NRXN1: variants seen among roughly 807,000 people sequenced by gnomAD.
NRXN1 encodes the protein neurexin 1.
NRXN1 carries 39 observed loss-of-function variants against 150.9 expected under a neutral mutation model. That is an observed-to-expected ratio of 0.26 (90% CI 0.20 to 0.34). The LOEUF (loss-of-function observed/expected upper bound fraction) is 0.34, where lower values mean the gene tolerates loss of function less well. NRXN1 is among the 10% of genes least tolerant of loss of function. The probability of loss-of-function intolerance (pLI) is 1.00; values close to 1 mark genes in which losing one functional copy is unlikely to be tolerated. For missense variants in NRXN1, 1,815 were observed against 1,949.9 expected (o/e 0.93, Z 1.30); for synonymous variants, 924 against 757.0 (o/e 1.22, Z -3.62).
intron 17 of NRXN1, among the ~76,000 whole-genome samples, chr2:50,309,519 C>G (rs543862688): frequency 6.6e-6 from 1 of 152,190 alleles, no homozygotes; most frequent in Non-Finnish European, 1.5e-5. Flanking sequence ...GACTTTTCCC[C>G]TGTATGTCAT....
At chr2:50,522,720 ATTTTTTTT>A (rs869200431) in intron 12 of NRXN1, among the ~76,000 whole-genome samples, 1 of 47,726 alleles carries the variant, frequency 2.1e-5, no homozygotes, top group Non-Finnish European at 5.3e-5. Context: ...ATTTTTATTC[ATTTTTTTT>A]TTTTTTTTTT....
rs1167741784 is a variant in NRXN1 at position 50,939,417 on chromosome 2, CTTTA to C, written c.773-13466_773-13463del. Among the ~76,000 whole-genome samples the C allele has an allele frequency of 4.0e-5, 6 of 151,716 alleles. No homozygotes were observed. The East Asian group carries it at 7.7e-4, about 20-fold the overall frequency. ...ATTTTGTTTACAATCTAAAAATCAA[CTTTA>C]TTTTTCAGAATTTTAATAGATTTAT... On this transcript the variant is annotated intron_variant, in intron 2 of 22. Transcript: ENST00000401669.
chr2:50,062,344 C>T (rs4971645), intron 19 of NRXN1, among the ~76,000 whole-genome samples: 24,027 of 151,932 alleles, frequency 0.16, 2,372 homozygotes, highest in East Asian at 0.39. Flanking sequence ...TTCTGTGATA[C>T]GAGGATACAA....
chr2:50,488,835 G>C (rs1181888838), intron 15 of NRXN1, among the ~76,000 whole-genome samples: 1 of 152,210 alleles, frequency 6.6e-6, no homozygotes, highest in African/African-American at 2.4e-5. Context: ...GACAAAGACA[G>C]CTCTTGAACA....
intron 17 of NRXN1, among the ~76,000 whole-genome samples, chr2:50,263,165 C>T (rs1402510821): frequency 1.5e-4 from 5 of 32,878 alleles, no homozygotes; most frequent in Non-Finnish European, 3.4e-4. Context: ...CATACACACA[C>T]ACACACACAC....
rs1436084145 is a variant in NRXN1, at chr2:49,919,176, A to C, written c.*2768T>G. ...TAGAGATGTAATCAAATTTATGCCAAGTCGTGTGAAATCCTCAATCAACTG... is the reference window on the plus strand; with the variant it reads ...TAGAGATGTAATCAAATTTATGCCACGTCGTGTGAAATCCTCAATCAACTG... On this transcript the variant is annotated 3_prime_UTR_variant, in exon 23 of 23. Coordinates refer to ENST00000401669, the MANE Select transcript of NRXN1 (RefSeq NM_001330078.2). 6.6e-6 allele frequency: 1 copy of C among 152,160 alleles called. No individual in the cohort carries two copies. Among genetic ancestry groups the C allele is most frequent in the African/African-American group, 2.4e-5 (1 of 41,468 alleles). The allele number at this position is 152,160 out of a possible 1,614,324, so 9.4% of individuals were successfully genotyped here.
intron 18 of NRXN1, among the ~76,000 whole-genome samples, chr2:50,153,961 G>A (rs182245661): frequency 2.0e-5 from 3 of 151,826 alleles, no homozygotes; most frequent in East Asian, 3.9e-4. Context: ...ACAGTATGGG[G>A]AGTAGAGAAG....
At chr2:50,547,112 T>C (rs1460711818) in intron 9 of NRXN1, among the ~76,000 whole-genome samples, 2 of 152,166 alleles carry the variant, frequency 1.3e-5, no homozygotes, top group Non-Finnish European at 2.9e-5. Flanking sequence ...TTTCCCACTG[T>C]AATATCTAGT....
chr2:50,157,933 T>C (rs780451106), intron 18 of NRXN1, among the ~76,000 whole-genome samples: 3 of 150,452 alleles, frequency 2.0e-5, no homozygotes, highest in African/African-American at 7.3e-5. Flanking sequence ...GATTTAGGAG[T>C]AATCCCCCGA....
intron 5 of NRXN1, among the ~76,000 whole-genome samples, chr2:50,903,164 CT>C (rs1172195926): frequency 6.6e-6 from 1 of 152,024 alleles, no homozygotes; most frequent in African/African-American, 2.4e-5. Flanking sequence ...AGGGCCAGAA[CT>C]TTTTTTAAAA....
At position 50,997,869 on chromosome 2, in the gene NRXN1, A is replaced by G. The variant is rs1296297021; in HGVS notation, c.772+29633T>C. 2.8e-5 allele frequency among the ~76,000 whole-genome samples: 4 copies of G among 141,676 alleles called. 1 individual carries two copies. Among genetic ancestry groups the G allele is most frequent in the South Asian group, 4.5e-4 (2 of 4,458 alleles). 92.9% of individuals were successfully genotyped at this position (141,676 alleles called of 152,430 possible). ...GAGCAATGCTTCTGAAGGCCAACAC[A>G]TAATAAACACTCTTCCTTAAATATA... On this transcript the variant is annotated intron_variant, in intron 2 of 22. Coordinates refer to ENST00000401669, the MANE Select transcript of NRXN1 (RefSeq NM_001330078.2).
At chr2:50,848,766 T>A (rs1674067780) in intron 5 of NRXN1, among the ~76,000 whole-genome samples, 1 of 152,068 alleles carries the variant, frequency 6.6e-6, no homozygotes. Flanking sequence ...GTGGCAAAAA[T>A]GCCAGGGTAG....
chr2:50,569,876 A>G (rs1176649707), intron 8 of NRXN1, among the ~76,000 whole-genome samples: 2 of 152,138 alleles, frequency 1.3e-5, no homozygotes, highest in African/African-American at 4.8e-5. Flanking sequence ...AGCTCTCCAC[A>G]TTAAGTAGCA....
chr2:50,019,954 A>AAAAAAAAAAAAC (rs1687288309), intron 21 of NRXN1, among the ~76,000 whole-genome samples: 1 of 90,810 alleles, frequency 1.1e-5, no homozygotes, highest in South Asian at 4.6e-4. Context: ...TCTCAAAAAA[A>AAAAAAAAAAAAC]AAAAAAAAAA....
At chr2:51,019,205 C>A (rs919158179) in intron 2 of NRXN1, among the ~76,000 whole-genome samples, 1 of 151,988 alleles carries the variant, frequency 6.6e-6, no homozygotes, top group Non-Finnish European at 1.5e-5. Context: ...ATACTTGGAC[C>A]CAAATCCCAG....
intron 17 of NRXN1, among the ~76,000 whole-genome samples, chr2:50,314,500 G>C (rs2075431439): frequency 1.3e-5 from 2 of 151,754 alleles, no homozygotes; most frequent in Admixed American, 1.3e-4. Flanking sequence ...GGCCAGAAGA[G>C]CTCTAATCCC....
At chr2:50,286,610 T>C (rs2072215657) in intron 17 of NRXN1, among the ~76,000 whole-genome samples, 1 of 152,086 alleles carries the variant, frequency 6.6e-6, no homozygotes, top group Non-Finnish European at 1.5e-5. Flanking sequence ...GCCACAGATA[T>C]TATGTGAAGA....
At chr2:51,005,366 T>G (rs1194601865) in intron 2 of NRXN1, among the ~76,000 whole-genome samples, 2 of 151,994 alleles carry the variant, frequency 1.3e-5, no homozygotes, top group Non-Finnish European at 2.9e-5. Flanking sequence ...TGTACAATGA[T>G]GAGCTCAATG....
At chr2:50,491,798 T>C (rs552780359) in intron 15 of NRXN1, among the ~76,000 whole-genome samples, 61 of 152,286 alleles carry the variant, frequency 4.0e-4, no homozygotes, top group Non-Finnish European at 6.0e-4. Flanking sequence ...GTAAACTATA[T>C]ATATCCTCAA....
Sources: allele counts gnomAD v4.1 joint callset (sites outside exome capture counted in the v4.1 genomes callset), GRCh38; gene constraint gnomAD v4.1.1; transcripts MANE v1.5; gene names NCBI Gene and HGNC (gene_info 2026-07-23, HGNC 2026-07-21).